The following BMP2K variants were observed in gnomAD, a reference collection of about 807,000 sequenced individuals.
BMP2K encodes the protein BMP-2-inducible protein kinase.
BMP2K carries 74 observed loss-of-function variants against 116.0 expected under a neutral mutation model. The ratio of observed to expected loss-of-function variants is 0.64; its 90% CI spans 0.53 to 0.77. BMP2K has a LOEUF of 0.77. Among genes scored for constraint, BMP2K ranks in the 30% least tolerant of loss-of-function variants. The probability of loss-of-function intolerance (pLI) is 0.00; values close to 1 mark genes in which losing one functional copy is unlikely to be tolerated. For synonymous variants in BMP2K, 486 were observed against 502.5 expected (o/e 0.97, Z 0.44); for missense variants, 1,365 against 1,403.6 (o/e 0.97, Z 0.44).
intron 13 of BMP2K, among the ~76,000 whole-genome samples, chr4:78,876,467 G>A (rs1170190306): frequency 3.3e-5 from 5 of 152,146 alleles, no homozygotes. Flanking sequence ...ATTTTCCTCT[G>A]TTATATGCTA....
chr4:78,910,669 C>G lies in BMP2K; in HGVS notation c.2122C>G (p.Pro708Ala). Residue 708 changes from proline to alanine, a missense_variant, in exon 16 of 16, where the codon CCT becomes GCT. Around this residue, in one of 3 missense-constraint regions of BMP2K, gnomAD observed 596 missense variants for 623.2 expected, o/e 0.96. Transcript: ENST00000502613. ...SINQENGTAN[P>A]IKNGKTSPAS... ...AAATCAAGAAAATGGCACTGCAAAC[C>G]CTATCAAGAACGGTAAAACAAGTCC... 1 of 1,597,096 alleles carries G rather than the reference C, an allele frequency of 6.3e-7. No homozygotes were observed. The highest frequency in any genetic ancestry group is 1.7e-4 in the Middle Eastern group (1 of 5,952).
At chr4:78,875,927 C>T (rs1248653355) in intron 13 of BMP2K, among the ~76,000 whole-genome samples, 1 of 152,210 alleles carries the variant, frequency 6.6e-6, no homozygotes, top group Non-Finnish European at 1.5e-5. Flanking sequence ...TAGACCTAGT[C>T]TCAGCAGTCA....
intron 1 of BMP2K, among the ~76,000 whole-genome samples, chr4:78,783,115 A>G (rs1274289945): frequency 6.6e-6 from 1 of 152,192 alleles, no homozygotes; most frequent in Non-Finnish European, 1.5e-5. Context: ...TTGGTATCAC[A>G]TTTATCCTGA....
At chr4:78,825,454 C>T (rs1383290599) in intron 1 of BMP2K, among the ~76,000 whole-genome samples, 1 of 152,144 alleles carries the variant, frequency 6.6e-6, no homozygotes, top group African/African-American at 2.4e-5. Context: ...CCTTCTCTAC[C>T]AGTCTTTTAT....
At chr4:78,860,770 CTTTTTTTTTT>C (rs139384663) in intron 8 of BMP2K, among the ~76,000 whole-genome samples, 16 of 101,930 alleles carry the variant, frequency 1.6e-4, no homozygotes, top group South Asian at 9.5e-4. Flanking sequence ...GGTACCTTTC[CTTTTTTTTTT>C]TTTTTTTTTT....
intron 15 of BMP2K, among the ~76,000 whole-genome samples, chr4:78,898,390 G>C (rs563284254): frequency 6.6e-6 from 1 of 151,852 alleles, no homozygotes; most frequent in African/African-American, 2.4e-5. Flanking sequence ...TTAGATTCTA[G>C]TGTATGATTC....
chr4:78,827,402 G>A (rs542490610), intron 2 of BMP2K, among the ~76,000 whole-genome samples: 1 of 152,098 alleles, frequency 6.6e-6, no homozygotes, highest in African/African-American at 2.4e-5. Flanking sequence ...TTCCTATCAG[G>A]GAATCTCATC....
chr4:78,812,870 C>T (rs1320762587), intron 1 of BMP2K, among the ~76,000 whole-genome samples: 1 of 151,898 alleles, frequency 6.6e-6, no homozygotes, highest in Admixed American at 6.6e-5. Flanking sequence ...CCCCACACCC[C>T]CATCTCTACC....
chr4:78,781,173 G>A (rs1314467535), intron 1 of BMP2K, among the ~76,000 whole-genome samples: 1 of 152,194 alleles, frequency 6.6e-6, no homozygotes, highest in African/African-American at 2.4e-5. Flanking sequence ...GGTTTTATCT[G>A]AAATGCAACA....
chr4:78,880,173 A>T (rs1732829439), intron 14 of BMP2K, among the ~76,000 whole-genome samples: 1 of 152,200 alleles, frequency 6.6e-6, no homozygotes, highest in Admixed American at 6.5e-5. Flanking sequence ...CCTGGGTTCA[A>T]GCAATTCTCC....
intron 1 of BMP2K, among the ~76,000 whole-genome samples, chr4:78,813,969 A>G (rs1337852920): frequency 2.0e-5 from 3 of 152,204 alleles, no homozygotes; most frequent in Admixed American, 6.5e-5. Context: ...AGCATTTAAT[A>G]TATATTGTTG....
At chr4:78,819,151 A>G (rs907512089) in intron 1 of BMP2K, among the ~76,000 whole-genome samples, 1 of 152,112 alleles carries the variant, frequency 6.6e-6, no homozygotes, top group African/African-American at 2.4e-5. Context: ...AATCTAGCAT[A>G]ATCAAGGGGA....
intron 3 of BMP2K, among the ~76,000 whole-genome samples, chr4:78,839,392 G>C (rs528603802): frequency 1.3e-5 from 2 of 152,260 alleles, no homozygotes; most frequent in African/African-American, 4.8e-5. Flanking sequence ...GCTTTTACCT[G>C]TTTCTGTTGG....
At chr4:78,886,657 T>TTG (rs148327976) in intron 14 of BMP2K, among the ~76,000 whole-genome samples, 3 of 151,476 alleles carry the variant, frequency 2.0e-5, no homozygotes, top group South Asian at 2.1e-4. Flanking sequence ...GCATGTGTGT[T>TTG]TGTGTGTGTG....
chr4:78,906,364 G>T (rs917195699), intron 15 of BMP2K, among the ~76,000 whole-genome samples: 1 of 151,706 alleles, frequency 6.6e-6, no homozygotes, highest in Non-Finnish European at 1.5e-5. Context: ...TTATGTAGGG[G>T]GGCAAAATAA....
chr4:78,896,648 A>T (rs1278195867), intron 15 of BMP2K, among the ~76,000 whole-genome samples: 1 of 152,198 alleles, frequency 6.6e-6, no homozygotes, highest in African/African-American at 2.4e-5. Flanking sequence ...TGAGACTAAT[A>T]TGTCTACTTG....
intron 1 of BMP2K, among the ~76,000 whole-genome samples, chr4:78,813,323 C>A (rs1318306604): frequency 6.6e-6 from 1 of 152,134 alleles, no homozygotes; most frequent in Non-Finnish European, 1.5e-5. Context: ...ACTGATTTCC[C>A]TGCTTCTGAT....
intron 12 of BMP2K, 21 bp downstream of exon 12, chr4:78,871,969 A>C (rs767917668): frequency 8.6e-6 from 13 of 1,517,078 alleles, no homozygotes; most frequent in Non-Finnish European, 1.1e-5. Context: ...TAATTTCTAG[A>C]GATTTCTCTG....
At chr4:78,832,019 T>G (rs1377272558) in intron 2 of BMP2K, among the ~76,000 whole-genome samples, 1 of 152,198 alleles carries the variant, frequency 6.6e-6, no homozygotes, top group Non-Finnish European at 1.5e-5. Context: ...ATCTTTATTT[T>G]TTATGGCTGA....
Sources: gnomAD v4.1 joint callset for allele counts (sites outside exome capture counted in the v4.1 genomes callset) on GRCh38, gnomAD v4.1.1 for gene constraint, gnomAD v4.1.1 regional missense constraint, MANE v1.5 for transcripts, NCBI Gene and HGNC (gene_info 2026-07-23, HGNC 2026-07-21) for gene names.